CLTA: variants seen among roughly 807,000 people sequenced by gnomAD.
CLTA encodes the protein clathrin light chain A, also known as clathrin, light polypeptide (Lca).
CLTA carries 9 observed loss-of-function variants against 26.9 expected under a neutral mutation model. The ratio of observed to expected loss-of-function variants is 0.33; its 90% CI spans 0.20 to 0.58. CLTA has a LOEUF of 0.58. Ranked by LOEUF, CLTA falls within the 20% of genes least tolerant of loss-of-function variation. The pLI is 0.85. For synonymous variants in CLTA, 120 were observed against 115.5 expected, an observed-to-expected ratio of 1.04 and a Z score of -0.25; for missense variants, 278 against 294.2, an observed-to-expected ratio of 0.94 and a Z score of 0.40.
chr9:36,208,776 A>G (rs963356193), intron 4 of CLTA, among the ~76,000 whole-genome samples: 3 of 152,190 alleles, frequency 2.0e-5, no homozygotes, highest in African/African-American at 7.2e-5. Context: ...AAGCATGACT[A>G]TACAGTAGAA....
rs1826657127 is a variant in CLTA at position 36,190,981 on chromosome 9, G to T, written c.-76G>T. Reference sequence around the variant, plus strand: ...CTCTCCCAGTCGGCACCACAGCGGTGGCTGCCGGGCGTGGTGTCGGTGGGT... The same window carrying T: ...CTCTCCCAGTCGGCACCACAGCGGTTGCTGCCGGGCGTGGTGTCGGTGGGT... On this transcript the variant is annotated 5_prime_UTR_variant, in exon 1 of 5. Transcript: ENST00000345519. The T allele has an allele frequency of 1.4e-6, 2 of 1,459,836 alleles. No individual in the cohort carries two copies. The highest frequency in any genetic ancestry group is 1.8e-6 in the Non-Finnish European group (2 of 1,116,096). The allele number at this position is 1,459,836 out of a possible 1,614,324, so 90.4% of individuals were successfully genotyped here.
chr9:36,211,694 A>C lies in CLTA; in HGVS notation c.577A>C (p.Lys193Gln). 2 of 1,614,010 alleles carry C rather than the reference A, an allele frequency of 1.2e-6. No homozygotes were observed. The highest frequency in any genetic ancestry group is 8.5e-7 in the Non-Finnish European group (1 of 1,179,950). ...RVARLCDFNPKSSKQAKDVSR... is the reference protein window; with the variant it reads ...RVARLCDFNPQSSKQAKDVSR... ...GGCCCGGCTGTGTGACTTTAACCCC[A>C]AGTCTAGCAAGCAGGCCAAAGATGT... is the stretch of plus-strand genomic sequence containing the variant. The change falls in exon 5 of 5, where the codon AAG becomes CAG. Residue 193 changes from lysine to glutamine, a missense_variant. Physicochemically the swap from Lys to Gln is moderately conservative, Grantham distance 53. Transcript: ENST00000345519.
chr9:36,191,078 G>C lies in CLTA; in HGVS notation c.22G>C (p.Gly8Arg), dbSNP rs747962162. ...CGCCATGGCTGAGCTGGATCCGTTC[G>C]GCGCCCCTGCCGGCGCCCCTGGCGG... MAELDPF[G>R]APAGAPGGPA... The change falls in exon 1 of 5, where the codon GGC becomes CGC. Residue 8 changes from glycine to arginine, a missense_variant. Transcript: ENST00000345519. The C allele has an allele frequency of 6.8e-5, 107 of 1,581,876 alleles. 1 individual carries two copies. In the East Asian group the frequency reaches 2.3e-3, roughly 33 times the overall value.
intron 1 of CLTA, 66 bp downstream of exon 1, chr9:36,191,339 G>C: frequency 7.0e-7 from 1 of 1,429,060 alleles, no homozygotes; most frequent in South Asian, 1.5e-5. Flanking sequence ...GTGGGTCCGA[G>C]AGCTTCTGTG....
At chr9:36,210,269 G>T (rs555056470) in intron 4 of CLTA, among the ~76,000 whole-genome samples, 1 of 152,140 alleles carries the variant, frequency 6.6e-6, no homozygotes, top group African/African-American at 2.4e-5. Context: ...GATGAGCTCA[G>T]GTCTGTAGAG....
intron 4 of CLTA, chr9:36,209,114 G>T (rs545614989): frequency 3.6e-5 from 13 of 357,212 alleles, no homozygotes; most frequent in Admixed American, 2.6e-4. Context: ...AGTCTCCAGC[G>T]CTGGAAGCCT....
rs1327607226 is a variant in CLTA, at chr9:36,212,036, A to G, written c.*262A>G. 1 of 603,812 alleles carries G rather than the reference A, an allele frequency of 1.7e-6. No individual in the cohort carries two copies. Among genetic ancestry groups the G allele is most frequent in the East Asian group, 3.3e-5 (1 of 30,382 alleles). 37.4% of individuals were successfully genotyped at this position (603,812 alleles called of 1,614,324 possible). ...CTGTGCTTCTGTGCATTATTCTGAG[A>G]ATAAATTTCTGTTTCAAACTGTATT... On this transcript the variant is annotated 3_prime_UTR_variant, in exon 5 of 5. Coordinates refer to ENST00000345519, the MANE Select transcript of CLTA (RefSeq NM_001833.4).
At chr9:36,207,791 A>T (rs1477494571) in intron 4 of CLTA, among the ~76,000 whole-genome samples, 2 of 152,242 alleles carry the variant, frequency 1.3e-5, no homozygotes, top group African/African-American at 2.4e-5. Flanking sequence ...GACAGGAGTC[A>T]TGAAACCTCT....
chr9:36,208,752 A>G (rs1357433996), intron 4 of CLTA, among the ~76,000 whole-genome samples: 1 of 152,212 alleles, frequency 6.6e-6, no homozygotes, highest in Non-Finnish European at 1.5e-5. Context: ...TTCTGGGCAC[A>G]TACAGCAGGG....
At chr9:36,201,059 C>T (rs189515498) in intron 3 of CLTA, among the ~76,000 whole-genome samples, 1 of 152,286 alleles carries the variant, frequency 6.6e-6, no homozygotes, top group East Asian at 1.9e-4. Flanking sequence ...TGGAGAGAGT[C>T]TACTTTGGTG....
intron 4 of CLTA, among the ~76,000 whole-genome samples, chr9:36,205,857 T>G (rs1827692680): frequency 6.7e-6 from 1 of 149,704 alleles, no homozygotes; most frequent in Non-Finnish European, 1.5e-5. Flanking sequence ...CCTCCTGGAT[T>G]CACGCCATTC....
chr9:36,191,005 G>T lies in CLTA; in HGVS notation c.-52G>T, dbSNP rs572560504. The T allele has an allele frequency of 1.1e-5, 16 of 1,475,414 alleles. No individual in the cohort carries two copies. In the Admixed American group the frequency reaches 3.7e-4, roughly 34 times the overall value. The allele number at this position is 1,475,414 out of a possible 1,614,324, so 91.4% of individuals were successfully genotyped here. On this transcript the variant is annotated 5_prime_UTR_variant, in exon 1 of 5. Transcript: ENST00000345519. ...TGGCTGCCGGGCGTGGTGTCGGTGG[G>T]TCGGTTGGTTTTTGTCTCACCGTTG... is the stretch of plus-strand genomic sequence containing the variant.
At chr9:36,203,937 T>C (rs1827570840) in intron 3 of CLTA, 131 bp from the exon 4 acceptor site, 1 of 1,272,514 alleles carries the variant, frequency 7.9e-7, no homozygotes, top group African/African-American at 1.5e-5. Flanking sequence ...CCCTCTCTAC[T>C]CTTCTCCCCC....
chr9:36,204,261 C>T, intron 4 of CLTA, 82 bp downstream of exon 4: 3 of 1,438,812 alleles, frequency 2.1e-6, no homozygotes, highest in Non-Finnish European at 2.8e-6. Flanking sequence ...CGGTTTTTGG[C>T]TTCTGCCTCC....
chr9:36,209,311 T>C, intron 4 of CLTA: 11 of 1,611,740 alleles, frequency 6.8e-6, no homozygotes, highest in Non-Finnish European at 9.3e-6. Flanking sequence ...GCTGACGTGA[T>C]TGGTTATGTG....
chr9:36,190,961 C>T lies in CLTA; in HGVS notation c.-96C>T, dbSNP rs1826655567. On this transcript the variant is annotated 5_prime_UTR_variant, in exon 1 of 5. Transcript: ENST00000345519. ...CCCTCCTGGCGCTTGTCCTCCTCTC[C>T]CAGTCGGCACCACAGCGGTGGCTGC... 2 of 1,444,984 alleles carry T rather than the reference C, an allele frequency of 1.4e-6. No homozygotes were observed. The highest frequency in any genetic ancestry group is 2.8e-5 in the Admixed American group (1 of 35,250). 89.5% of individuals were successfully genotyped at this position (1,444,984 alleles called of 1,614,324 possible). A position where few individuals can be genotyped will look rare whatever the true frequency, so the allele number is the denominator to read the frequency against.
intron 2 of CLTA, among the ~76,000 whole-genome samples, chr9:36,198,279 TGAGCCACCGCACCCCGCCA>T (rs1208415146): frequency 6.6e-6 from 1 of 151,906 alleles, no homozygotes; most frequent in Non-Finnish European, 1.5e-5. Flanking sequence ...ATTACAGGCG[TGAGCCACCGCACCCCGCCA>T]GAGCCACCGC....
At chr9:36,199,284 G>C (rs1349822709) in intron 3 of CLTA, among the ~76,000 whole-genome samples, 188 bp downstream of exon 3, 2 of 152,254 alleles carry the variant, frequency 1.3e-5, no homozygotes, top group Non-Finnish European at 2.9e-5. Context: ...TGTGTGAGGA[G>C]TAGGGTAGCC....
intron 3 of CLTA, 151 bp downstream of exon 3, chr9:36,199,247 G>T: frequency 3.0e-6 from 2 of 663,930 alleles, no homozygotes; most frequent in Non-Finnish European, 5.6e-6. Flanking sequence ...AAGGCTACCT[G>T]CACAGAGATG....
Sources: allele counts gnomAD v4.1 joint callset (sites outside exome capture counted in the v4.1 genomes callset), GRCh38; gene constraint gnomAD v4.1.1; transcripts MANE v1.5; gene names NCBI Gene and HGNC (gene_info 2026-07-23, HGNC 2026-07-21).